The following IRAK4 variants were observed in gnomAD, a reference collection of about 807,000 sequenced individuals.
The protein encoded by IRAK4 is interleukin 1 receptor associated kinase 4, also known as interleukin-1 receptor-associated kinase 4.
Under a neutral mutation model 51.8 loss-of-function variants are expected in IRAK4, and 44 were observed. That is an observed-to-expected ratio of 0.85 (90% CI 0.67 to 1.09). The LOEUF is 1.09. IRAK4 is among the 50% of genes least tolerant of loss of function. IRAK4 has a pLI of 0.00. For missense variants in IRAK4, 487 were observed against 538.0 expected (o/e 0.91, Z 0.94); for synonymous variants, 149 against 174.1 (o/e 0.86, Z 1.13).
intron 8 of IRAK4, among the ~76,000 whole-genome samples, chr12:43,778,800 A>G (rs1941526221): frequency 6.6e-6 from 1 of 151,852 alleles, no homozygotes; most frequent in Non-Finnish European, 1.5e-5. Flanking sequence ...ATTATTATAT[A>G]GTATAGTACA....
chr12:43,771,173 G>A (rs892565919), intron 2 of IRAK4, 47 bp from the exon 3 acceptor site: 4 of 1,485,306 alleles, frequency 2.7e-6, no homozygotes, highest in Non-Finnish European at 3.8e-6. Flanking sequence ...GCACAAAATG[G>A]ACTAAGACAA....
Position 43,786,886 on chromosome 12 carries a change from A to G in IRAK4, c.*171A>G, listed in dbSNP as rs1408034204. On this transcript the variant is annotated 3_prime_UTR_variant, in exon 12 of 12. Transcript: ENST00000613694. The stretch of plus-strand genomic sequence containing the variant: ...TCCAAAATATAAAAATAGAGCCACC[A>G]TATCAACACTTAGCCCTACCCATTA... The G allele has an allele frequency of 3.2e-6, 2 of 630,876 alleles. No homozygotes were observed. The highest frequency in any genetic ancestry group is 5.6e-6 in the Non-Finnish European group (2 of 358,260). 39.1% of individuals were successfully genotyped at this position (630,876 alleles called of 1,614,324 possible).
At chr12:43,777,321 C>G (rs1941367954) in intron 6 of IRAK4, among the ~76,000 whole-genome samples, 1 of 152,054 alleles carries the variant, frequency 6.6e-6, no homozygotes, top group Admixed American at 6.5e-5. Flanking sequence ...TCCAGATGGT[C>G]GAGGCCGCAG....
chr12:43,782,224 A>G, intron 8 of IRAK4, 83 bp from the exon 9 acceptor site: 2 of 826,106 alleles, frequency 2.4e-6, no homozygotes. Flanking sequence ...ACATGCATAC[A>G]TACGTACATC....
At chr12:43,761,263 A>T in intron 1 of IRAK4, among the ~76,000 whole-genome samples, 1 of 152,364 alleles carries the variant, frequency 6.6e-6, no homozygotes, top group South Asian at 2.1e-4. Flanking sequence ...TAGAAAGGAT[A>T]TAAATACATT....
Position 43,771,293 on chromosome 12 carries a change from T to G in IRAK4, c.235T>G (p.Cys79Gly). 1 of 1,614,120 alleles carries G rather than the reference T, an allele frequency of 6.2e-7. No homozygotes were observed. Residue 79 changes from cysteine (C) to glycine (G), a missense_variant, in exon 3 of 12, where the codon TGC becomes GGC. Cys to Gly is a radical substitution (Grantham distance 159). Transcript: ENST00000613694. ...ACTGTTTGACTGGGGCACCACAAAT[T>G]GCACAGTTGGTGATCTTGTGGATCT... ...ELLFDWGTTN[C>G]TVGDLVDLLI...
intron 7 of IRAK4, 113 bp downstream of exon 7, chr12:43,777,857 C>G (rs1941428097): frequency 1.1e-6 from 1 of 926,936 alleles, no homozygotes; most frequent in Admixed American, 1.9e-5. Context: ...TTTTCCTGCT[C>G]TATGAAAATT....
At chr12:43,775,069 A>G (rs930161327) in intron 6 of IRAK4, among the ~76,000 whole-genome samples, 9 of 152,236 alleles carry the variant, frequency 5.9e-5, no homozygotes, top group African/African-American at 1.2e-4. Context: ...TCTGAATCGT[A>G]ATGGGATTTA....
At chr12:43,779,922 G>A (rs1382578390) in intron 8 of IRAK4, among the ~76,000 whole-genome samples, 2 of 152,174 alleles carry the variant, frequency 1.3e-5, no homozygotes, top group African/African-American at 4.8e-5. Context: ...ATTCACTTGA[G>A]GGGAGATGTA....
chr12:43,786,436 C>G lies in IRAK4; in HGVS notation c.1226C>G (p.Thr409Arg). 1 of 1,602,738 alleles carries G rather than the reference C, an allele frequency of 6.2e-7. No individual in the cohort carries two copies. The highest frequency in any genetic ancestry group is 8.5e-7 in the Non-Finnish European group (1 of 1,174,788). Residue 409 changes from threonine (T) to arginine (R), a missense_variant, in exon 11 of 12, where the codon ACA becomes AGA. Transcript: ENST00000613694. ...IKEEIEDEEKTIEDYIDKKMN... is the reference protein window; with the variant it reads ...IKEEIEDEEKRIEDYIDKKMN... ...GAAGAAATTGAAGATGAAGAAAAGA[C>G]AATTGAAGATTATATTGATAAAAAG...
intron 1 of IRAK4, among the ~76,000 whole-genome samples, chr12:43,760,307 C>G (rs564934702): frequency 1.3e-5 from 2 of 152,360 alleles, no homozygotes; most frequent in South Asian, 2.1e-4. Context: ...GCCTGCAGCA[C>G]GTCCCACCTG....
intron 6 of IRAK4, among the ~76,000 whole-genome samples, chr12:43,774,651 C>G (rs1941105669): frequency 6.6e-6 from 1 of 152,140 alleles, no homozygotes; most frequent in Non-Finnish European, 1.5e-5. Context: ...TGTAGAGATA[C>G]TTAAAAACAA....
At position 43,787,037 on chromosome 12, in the gene IRAK4, T is replaced by C; in HGVS notation, c.*322T>C. On this transcript the variant is annotated 3_prime_UTR_variant, in exon 12 of 12. Transcript: ENST00000613694. The stretch of plus-strand genomic sequence containing the variant: ...TATGTAGGGTGGAAACACTCTGATC[T>C]GAAGCCCAGCTGACTCCACTACTAA... 3.2e-6 allele frequency: 1 copy of C among 317,058 alleles called. No individual in the cohort carries two copies. Among genetic ancestry groups the C allele is most frequent in the Non-Finnish European group, 5.8e-6 (1 of 172,328 alleles). 19.6% of individuals were successfully genotyped at this position (317,058 alleles called of 1,614,324 possible).
At chr12:43,777,536 CTCTT>C (rs1384567045) in intron 6 of IRAK4, 90 bp from the exon 7 acceptor site, 5 of 1,120,056 alleles carry the variant, frequency 4.5e-6, no homozygotes, top group Non-Finnish European at 6.1e-6. Flanking sequence ...TATTTTTTTG[CTCTT>C]TTTTTCTATT....
chr12:43,788,543 T>C lies in IRAK4; in HGVS notation c.*1828T>C, dbSNP rs2138103064. The C allele has an allele frequency of 6.6e-6, 1 of 150,782 alleles. No homozygotes were observed. Among genetic ancestry groups the C allele is most frequent in the Middle Eastern group, 3.4e-3 (1 of 294 alleles). The allele number at this position is 150,782 out of a possible 1,614,324, so 9.3% of individuals were successfully genotyped here. On this transcript the variant is annotated 3_prime_UTR_variant, in exon 12 of 12. Transcript: ENST00000613694. The stretch of plus-strand genomic sequence containing the variant: ...GAATCAAGGAATATGTTAGGGCTTT[T>C]TTTTTTTTTTTTTTGAGACGGAGTC...
chr12:43,775,873 A>ATTTTTTTT (rs1941212405), intron 6 of IRAK4, among the ~76,000 whole-genome samples: 4 of 119,512 alleles, frequency 3.3e-5, no homozygotes, highest in Non-Finnish European at 3.4e-5. Context: ...TAATATCATT[A>ATTTTTTTT]CTTTTTTTTT....
At chr12:43,771,457 A>G (rs564736490) in intron 3 of IRAK4, 92 bp downstream of exon 3, 17 of 1,315,866 alleles carry the variant, frequency 1.3e-5, no homozygotes, top group East Asian at 2.4e-5. Context: ...CTTTTTTCTC[A>G]TAGTAGATGA....
At chr12:43,767,737 G>T (rs1054249417) in intron 1 of IRAK4, among the ~76,000 whole-genome samples, 52 of 151,868 alleles carry the variant, frequency 3.4e-4, no homozygotes, top group Admixed American at 9.8e-4. Flanking sequence ...TTTATTAATA[G>T]ATTTGATTTC....
chr12:43,779,857 A>C (rs1181214739), intron 8 of IRAK4, among the ~76,000 whole-genome samples: 1 of 152,216 alleles, frequency 6.6e-6, no homozygotes, highest in Non-Finnish European at 1.5e-5. Flanking sequence ...TGGAGGTCTG[A>C]GCTGAAGATA....
Sources: allele counts gnomAD v4.1 joint callset (sites outside exome capture counted in the v4.1 genomes callset), GRCh38; gene constraint gnomAD v4.1.1; transcripts MANE v1.5; gene names NCBI Gene and HGNC (gene_info 2026-07-23, HGNC 2026-07-21).